Variants in SYN3 observed in about 807,000 individuals in gnomAD.
SYN3 encodes the protein synapsin-3.
Under a neutral mutation model 65.8 loss-of-function variants are expected in SYN3, and 35 were observed. The ratio of observed to expected loss-of-function variants is 0.53; its 90% confidence interval spans 0.41 to 0.70. The LOEUF (loss-of-function observed/expected upper bound fraction) is 0.70, where lower values mean the gene tolerates loss of function less well. Ranked by LOEUF, SYN3 falls within the 30% of genes least tolerant of loss-of-function variation. The pLI, the probability that SYN3 is intolerant of heterozygous loss-of-function variation, is 0.00. For missense variants in SYN3, 680 were observed against 749.0 expected, an observed-to-expected ratio of 0.91 and a Z score of 1.08; for synonymous variants, 270 against 292.9, an observed-to-expected ratio of 0.92 and a Z score of 0.80.
intron 6 of SYN3, among the ~76,000 whole-genome samples, chr22:32,716,679 C>T (rs1018271438): frequency 2.7e-5 from 4 of 148,650 alleles, no homozygotes; most frequent in Non-Finnish European, 6.0e-5. Flanking sequence ...TACAGGTGCA[C>T]GACACCATAC....
chr22:32,594,413 C>T (rs554220272), intron 7 of SYN3, among the ~76,000 whole-genome samples: 27 of 152,110 alleles, frequency 1.8e-4, no homozygotes, highest in Non-Finnish European at 3.4e-4. Flanking sequence ...TGGTAACTCA[C>T]CCAAGTTTAT....
In SYN3 at chr22:32,917,180, C is replaced by CAG. The variant is rs552586263; in HGVS notation, c.461+14208_461+14209dup. ...TTTTACAGTTAAGGAACCTGGGAGT[C>CAG]AGAGGTAAGATTACTTGTACAAAGC... On this transcript the variant is annotated intron_variant, in intron 4 of 13. Transcript: ENST00000358763. 3.2e-3 allele frequency among the ~76,000 whole-genome samples: 482 copies of CAG among 152,214 alleles called. 1 individual carries two copies. Among genetic ancestry groups the CAG allele is most frequent in the African/African-American group, 0.011 (450 of 41,534 alleles).
At chr22:32,676,745 G>A (rs1172494509) in intron 6 of SYN3, among the ~76,000 whole-genome samples, 3 of 149,208 alleles carry the variant, frequency 2.0e-5, no homozygotes, top group Non-Finnish European at 4.4e-5. Context: ...GGGTTTCACC[G>A]TGTTAGCCAG....
At chr22:32,958,368 G>A (rs1419371208) in intron 3 of SYN3, among the ~76,000 whole-genome samples, 3 of 152,188 alleles carry the variant, frequency 2.0e-5, no homozygotes, top group Non-Finnish European at 2.9e-5. Context: ...TCACACTTGA[G>A]TGGTAGCAAT....
At chr22:32,802,840 C>T (rs2046626688) in intron 6 of SYN3, among the ~76,000 whole-genome samples, 1 of 152,062 alleles carries the variant, frequency 6.6e-6, no homozygotes, top group Non-Finnish European at 1.5e-5. Context: ...TTTTTTCCCC[C>T]TTGAATGTGT....
intron 6 of SYN3, among the ~76,000 whole-genome samples, chr22:32,824,209 T>G (rs1323093737): frequency 6.9e-6 from 1 of 144,508 alleles, no homozygotes; most frequent in Non-Finnish European, 1.5e-5. Flanking sequence ...ACTTGGGAGG[T>G]GGAGGTTGCA....
chr22:32,514,852 T>TA (rs2057745011), intron 13 of SYN3, among the ~76,000 whole-genome samples: 1 of 152,060 alleles, frequency 6.6e-6, no homozygotes, highest in Admixed American at 6.5e-5. Flanking sequence ...CCGTCTCTAC[T>TA]AAAAATACAA....
intron 4 of SYN3, among the ~76,000 whole-genome samples, chr22:32,918,887 C>T (rs999928810): frequency 6.6e-6 from 1 of 152,204 alleles, no homozygotes; most frequent in African/African-American, 2.4e-5. Context: ...GGCCTTGCAG[C>T]TTGGAGAAGG....
chr22:32,567,553 T>A (rs2031708544), intron 7 of SYN3, among the ~76,000 whole-genome samples: 1 of 152,166 alleles, frequency 6.6e-6, no homozygotes, highest in Admixed American at 6.5e-5. Context: ...GGGTTATGTA[T>A]TGGGCCTCAG....
intron 4 of SYN3, among the ~76,000 whole-genome samples, chr22:32,906,142 T>G (rs920222725): frequency 6.6e-6 from 1 of 152,184 alleles, no homozygotes; most frequent in Non-Finnish European, 1.5e-5. Flanking sequence ...GGTCTGGTTG[T>G]TCTCAGGAAG....
chr22:32,523,193 T>C lies in SYN3; in HGVS notation c.1318+4725A>G, dbSNP rs536547466. On this transcript the variant is annotated intron_variant, in intron 12 of 13. Transcript: ENST00000358763. ...CTACTATTGTATTAATAATTGTTTTTGGGTGCCATGAACCACACCCATATA... is the reference window on the plus strand; with the variant it reads ...CTACTATTGTATTAATAATTGTTTTCGGGTGCCATGAACCACACCCATATA... Among the ~76,000 whole-genome samples, 25 of 152,330 alleles carry C rather than the reference T, an allele frequency of 1.6e-4. No homozygotes were observed. The East Asian group carries it at 4.2e-3, about 26-fold the overall frequency.
intron 1 of SYN3, among the ~76,000 whole-genome samples, chr22:33,028,691 A>ATGGTGGTGGTGGTGG (rs1170552905): frequency 2.3e-5 from 1 of 43,152 alleles, no homozygotes; most frequent in African/African-American, 1.1e-4. Flanking sequence ...GGTGGTGGTG[A>ATGGTGGTGGTGGTGG]TGGTGGTGGT....
intron 4 of SYN3, among the ~76,000 whole-genome samples, chr22:32,872,506 C>T (rs2048875692): frequency 6.6e-6 from 1 of 152,142 alleles, no homozygotes; most frequent in Non-Finnish European, 1.5e-5. Context: ...CCACCATGAC[C>T]TCTTAAGAGT....
chr22:32,660,738 A>G (rs1156396947), intron 6 of SYN3, among the ~76,000 whole-genome samples: 25 of 152,148 alleles, frequency 1.6e-4, no homozygotes, highest in African/African-American at 5.6e-4. Flanking sequence ...CGCCATGTCT[A>G]TTTCCTCTTG....
rs73162094 is a variant in SYN3 at position 33,036,480 on chromosome 22, C to G, written c.-163+21812G>C. ...TCCCCTAAACCTCCAGCAGAAAGGA[C>G]AGAAATTAATCACTGATAACTTTAA... is the stretch of plus-strand genomic sequence containing the variant. On this transcript the variant is annotated intron_variant, in intron 1 of 13. Transcript: ENST00000358763. Among the ~76,000 whole-genome samples the G allele has an allele frequency of 5.9e-3, 904 of 152,206 alleles. 8 individuals carry two copies. Among genetic ancestry groups the G allele is most frequent in the South Asian group, 0.028 (137 of 4,820 alleles).
At chr22:32,705,901 A>G (rs1170534000) in intron 6 of SYN3, among the ~76,000 whole-genome samples, 4 of 152,100 alleles carry the variant, frequency 2.6e-5, no homozygotes, top group Non-Finnish European at 2.9e-5. Context: ...TTGTACATTG[A>G]TTTGTTTTCT....
Position 32,661,998 on chromosome 22 carries a change from GT to G in SYN3, c.712-65263del, listed in dbSNP as rs1424220298. On this transcript the variant is annotated intron_variant, in intron 6 of 13. Coordinates refer to ENST00000358763, the MANE Select transcript of SYN3 (RefSeq NM_003490.4). The stretch of plus-strand genomic sequence containing the variant: ...CAGATGAAAAGTCATACCAAGTTTA[GT>G]TATAAATCTCTCCATTGTCCCTTTC... 8.5e-5 allele frequency among the ~76,000 whole-genome samples: 13 copies of G among 152,276 alleles called. No homozygotes were observed. In the East Asian group the frequency reaches 2.5e-3, roughly 29 times the overall value.
At chr22:32,638,330 C>T (rs1045171205) in intron 6 of SYN3, among the ~76,000 whole-genome samples, 4 of 152,102 alleles carry the variant, frequency 2.6e-5, no homozygotes, top group Admixed American at 1.3e-4. Context: ...GGATATATAT[C>T]CAGTAATGGC....
intron 1 of SYN3, among the ~76,000 whole-genome samples, chr22:33,010,030 C>T (rs572713380): frequency 7.2e-5 from 11 of 152,072 alleles, no homozygotes; most frequent in South Asian, 2.1e-4. Flanking sequence ...GTCTGCAGTT[C>T]GAGACCAGCC....
Sources: gnomAD v4.1 joint callset for allele counts (sites outside exome capture counted in the v4.1 genomes callset) on GRCh38, gnomAD v4.1.1 for gene constraint, MANE v1.5 for transcripts, NCBI Gene and HGNC (gene_info 2026-07-23, HGNC 2026-07-21) for gene names.